The following MDFIC variants were observed in gnomAD, a reference collection of about 807,000 sequenced individuals.
The protein encoded by MDFIC is myoD family inhibitor domain-containing protein.
In MDFIC, 17 loss-of-function variants were observed where a neutral mutation model predicts 23.2. The ratio of observed to expected loss-of-function variants is 0.73; its 90% confidence interval spans 0.50 to 1.10. The LOEUF is 1.10. Ranked by LOEUF, MDFIC falls within the 50% of genes least tolerant of loss-of-function variation. The pLI, the probability that MDFIC is intolerant of heterozygous loss-of-function variation, is 0.00. For synonymous variants in MDFIC, 120 were observed against 115.2 expected (o/e 1.04, Z -0.27); for missense variants, 356 against 316.6 (o/e 1.12, Z -0.95).
chr7:114,924,782 A>G (rs1792158573), intron 2 of MDFIC, among the ~76,000 whole-genome samples: 1 of 152,228 alleles, frequency 6.6e-6, no homozygotes, highest in Non-Finnish European at 1.5e-5. Context: ...AGTCTGCAGA[A>G]TCTTGTTAAA....
chr7:114,967,971 G>A (rs1793136583), intron 3 of MDFIC, among the ~76,000 whole-genome samples: 1 of 151,932 alleles, frequency 6.6e-6, no homozygotes, highest in Non-Finnish European at 1.5e-5. Flanking sequence ...TGATACCACA[G>A]GCACATGCCA....
chr7:114,979,701 G>C lies in MDFIC; in HGVS notation c.413G>C (p.Ser138Thr), dbSNP rs1261743948. The C allele has an allele frequency of 6.2e-7, 1 of 1,614,104 alleles. No homozygotes were observed. Among genetic ancestry groups the C allele is most frequent in the Non-Finnish European group, 8.5e-7 (1 of 1,179,994 alleles). Reference sequence around the variant, plus strand: ...AAAATGCATAGAAAAATTCAGTCCAGCTTGTCTGTAAACAGCGATATCAGT... The same window carrying C: ...AAAATGCATAGAAAAATTCAGTCCACCTTGTCTGTAAACAGCGATATCAGT... ...SQKMHRKIQSSLSVNSDISKK... is the reference protein window; with the variant it reads ...SQKMHRKIQSTLSVNSDISKK... Residue 138 changes from serine (S) to threonine (T), a missense_variant, in exon 4 of 5, where the codon AGC becomes ACC. By Grantham distance (58) the Ser-to-Thr change is moderately conservative. Transcript: ENST00000393486.
intron 3 of MDFIC, among the ~76,000 whole-genome samples, chr7:114,975,043 A>G (rs548807229): frequency 6.6e-6 from 1 of 152,124 alleles, no homozygotes; most frequent in South Asian, 2.1e-4. Context: ...TCATTACTGA[A>G]TATCAAGAAT....
chr7:114,971,819 A>C (rs1314960018), intron 3 of MDFIC, among the ~76,000 whole-genome samples: 1 of 152,136 alleles, frequency 6.6e-6, no homozygotes, highest in African/African-American at 2.4e-5. Context: ...TTTTCTTTAA[A>C]ACTCTTATAT....
intron 4 of MDFIC, among the ~76,000 whole-genome samples, chr7:114,984,471 CA>C (rs1008980491): frequency 6.6e-6 from 1 of 150,682 alleles, no homozygotes; most frequent in East Asian, 1.9e-4. Context: ...TCATATTCAC[CA>C]AAAAAAATGT....
intron 2 of MDFIC, among the ~76,000 whole-genome samples, chr7:114,940,042 T>A (rs927437666): frequency 2.6e-5 from 4 of 152,160 alleles, no homozygotes; most frequent in Non-Finnish European, 5.9e-5. Context: ...AGTAAAAAGA[T>A]TTCTGGAGTT....
At chr7:114,999,878 A>T (rs1791425874) in intron 4 of MDFIC, among the ~76,000 whole-genome samples, 1 of 152,094 alleles carries the variant, frequency 6.6e-6, no homozygotes, top group South Asian at 2.1e-4. Context: ...TAGGCAATAA[A>T]CTTCAGTGGC....
chr7:115,012,580 G>A (rs1490677968), intron 4 of MDFIC, among the ~76,000 whole-genome samples: 1 of 152,158 alleles, frequency 6.6e-6, no homozygotes, highest in Non-Finnish European at 1.5e-5. Flanking sequence ...TGGTTACTTA[G>A]CATGTATGTT....
intron 3 of MDFIC, among the ~76,000 whole-genome samples, chr7:114,957,250 A>G (rs758096494): frequency 1.1e-4 from 16 of 152,172 alleles, no homozygotes; most frequent in Non-Finnish European, 1.9e-4. Context: ...GTTTTCAAGG[A>G]TGAAAACGAT....
chr7:114,976,797 T>C (rs1793324937), intron 3 of MDFIC, among the ~76,000 whole-genome samples: 1 of 152,148 alleles, frequency 6.6e-6, no homozygotes, highest in Non-Finnish European at 1.5e-5. Flanking sequence ...ACATAGGATG[T>C]ATGAACAAGA....
intron 4 of MDFIC, among the ~76,000 whole-genome samples, chr7:115,004,972 A>G (rs1477090225): frequency 6.6e-6 from 1 of 152,246 alleles, no homozygotes; most frequent in Non-Finnish European, 1.5e-5. Flanking sequence ...GCCAACTTAC[A>G]GTCAACTTAT....
chr7:114,991,268 G>T (rs1159283309), intron 4 of MDFIC, among the ~76,000 whole-genome samples: 2 of 152,256 alleles, frequency 1.3e-5, no homozygotes, highest in South Asian at 4.1e-4. Context: ...CAGATGAGTA[G>T]ATTGCAAAAA....
At position 115,019,208 on chromosome 7, in the gene MDFIC, C is replaced by T. The variant is rs1480410273; in HGVS notation, c.*3273C>T. The T allele has an allele frequency of 6.6e-6, 1 of 152,098 alleles. No homozygotes were observed. Among genetic ancestry groups the T allele is most frequent in the East Asian group, 1.9e-4 (1 of 5,186 alleles). The allele number at this position is 152,098 out of a possible 1,614,324, so 9.4% of individuals were successfully genotyped here. A position where few individuals can be genotyped will look rare whatever the true frequency, so the allele number is the denominator to read the frequency against. On this transcript the variant is annotated 3_prime_UTR_variant, in exon 5 of 5. Coordinates refer to ENST00000393486, the MANE Select transcript of MDFIC (RefSeq NM_001166345.3). ...AATAAATGATCAGAAGAATTTTCAT[C>T]TAAGGCATAGAGTGGCGAAATTTTT...
intron 4 of MDFIC, among the ~76,000 whole-genome samples, chr7:114,992,245 T>G (rs1467700233): frequency 1.3e-5 from 2 of 152,244 alleles, no homozygotes; most frequent in Non-Finnish European, 2.9e-5. Flanking sequence ...TAAGGAGATT[T>G]TGGGCTGAGA....
intron 2 of MDFIC, among the ~76,000 whole-genome samples, chr7:114,930,106 G>A (rs1237598145): frequency 2.0e-5 from 3 of 152,142 alleles, no homozygotes; most frequent in African/African-American, 7.2e-5. Context: ...AGAATTAAAG[G>A]GATAGTCAAT....
At chr7:114,935,739 C>T (rs768260647) in intron 2 of MDFIC, among the ~76,000 whole-genome samples, 1 of 151,802 alleles carries the variant, frequency 6.6e-6, no homozygotes, top group South Asian at 2.1e-4. Context: ...TGTAGATGTG[C>T]GTTCAAAAGA....
intron 4 of MDFIC, among the ~76,000 whole-genome samples, chr7:114,998,125 A>C (rs1050108654): frequency 6.6e-6 from 1 of 152,338 alleles, no homozygotes; most frequent in Non-Finnish European, 1.5e-5. Context: ...TAATACTACA[A>C]TTCAGAGGAG....
At chr7:114,968,677 C>A (rs1585106995) in intron 3 of MDFIC, among the ~76,000 whole-genome samples, 1 of 152,082 alleles carries the variant, frequency 6.6e-6, no homozygotes, top group African/African-American at 2.4e-5. Context: ...ATAATGAGAA[C>A]TGTTATTAGA....
intron 2 of MDFIC, among the ~76,000 whole-genome samples, chr7:114,927,791 A>G (rs751091874): frequency 1.3e-5 from 2 of 152,180 alleles, no homozygotes; most frequent in African/African-American, 2.4e-5. Context: ...GATAAATTAT[A>G]TTTAGTTCCC....
Sources: allele counts gnomAD v4.1 joint callset (sites outside exome capture counted in the v4.1 genomes callset), GRCh38; gene constraint gnomAD v4.1.1; transcripts MANE v1.5; gene names NCBI Gene and HGNC (gene_info 2026-07-23, HGNC 2026-07-21).